The following RIPK2 variants were observed in gnomAD, a reference collection of about 807,000 sequenced individuals.
RIPK2 encodes the protein receptor interacting serine/threonine kinase 2.
Under a neutral mutation model 60.9 loss-of-function variants are expected in RIPK2, and 38 were observed. That is an observed-to-expected ratio of 0.62 (90% CI 0.48 to 0.82). RIPK2 has a LOEUF of 0.82. RIPK2 is among the 40% of genes least tolerant of loss of function. The pLI is 0.00. For missense variants in RIPK2, 518 were observed against 647.0 expected, an observed-to-expected ratio of 0.80 and a Z score of 2.16; for synonymous variants, 225 against 223.4, an observed-to-expected ratio of 1.01 and a Z score of -0.06.
intron 4 of RIPK2, among the ~76,000 whole-genome samples, chr8:89,770,429 TCA>T (rs774084732): frequency 2.0e-5 from 3 of 151,902 alleles, no homozygotes; most frequent in Non-Finnish European, 4.4e-5. Flanking sequence ...TTTTCATATT[TCA>T]GATGCATATT....
intron 6 of RIPK2, among the ~76,000 whole-genome samples, chr8:89,779,410 G>C (rs956896215): frequency 7.1e-6 from 1 of 140,756 alleles, no homozygotes; most frequent in Non-Finnish European, 1.5e-5. Flanking sequence ...CACCTCCTGG[G>C]TTCACACCAT....
intron 8 of RIPK2, among the ~76,000 whole-genome samples, chr8:89,784,379 G>A (rs1809551993): frequency 6.6e-6 from 1 of 151,964 alleles, no homozygotes; most frequent in Non-Finnish European, 1.5e-5. Flanking sequence ...ATTGAGTTCT[G>A]TCCCTGTCAT....
At chr8:89,786,476 A>G in intron 8 of RIPK2, 117 bp from the exon 9 acceptor site, 9 of 686,414 alleles carry the variant, frequency 1.3e-5, no homozygotes, top group South Asian at 7.8e-5. Flanking sequence ...CCTGTCTGAA[A>G]AAAAAAAATT....
intron 7 of RIPK2, 61 bp from the exon 8 acceptor site, chr8:89,783,989 C>T: frequency 2.3e-6 from 2 of 887,112 alleles, no homozygotes; most frequent in East Asian, 2.5e-5. Flanking sequence ...TTGTATTTTA[C>T]TTCTATAATT....
intron 2 of RIPK2, among the ~76,000 whole-genome samples, 189 bp downstream of exon 2, chr8:89,763,171 C>A (rs968186911): frequency 1.4e-4 from 22 of 152,126 alleles, no homozygotes; most frequent in African/African-American, 5.3e-4. Context: ...ACTGTGGATT[C>A]AGGCCCTGTA....
chr8:89,778,268 T>G (rs1443785644), intron 6 of RIPK2, among the ~76,000 whole-genome samples: 1 of 152,172 alleles, frequency 6.6e-6, no homozygotes, highest in African/African-American at 2.4e-5. Flanking sequence ...AGTAACACAG[T>G]AGCAGAGAGG....
intron 6 of RIPK2, among the ~76,000 whole-genome samples, chr8:89,775,416 A>G (rs768617863): frequency 6.6e-6 from 1 of 152,152 alleles, no homozygotes; most frequent in Admixed American, 6.5e-5. Flanking sequence ...GTGCCACTGC[A>G]CTTGCACTCC....
intron 6 of RIPK2, among the ~76,000 whole-genome samples, chr8:89,778,126 T>A (rs879332273): frequency 6.6e-6 from 1 of 151,970 alleles, no homozygotes; most frequent in Non-Finnish European, 1.5e-5. Flanking sequence ...TTTCCTTTTT[T>A]TAAAAAAAAT....
In RIPK2 at chr8:89,772,833, G is replaced by A. The variant is rs201496849; in HGVS notation, c.853+5G>A. 7 of 1,591,198 alleles carry A rather than the reference G, an allele frequency of 4.4e-6. No homozygotes were observed. The highest frequency in any genetic ancestry group is 4.3e-6 in the Non-Finnish European group (5 of 1,166,972). ...ATGAAAGACCATCTTTCTTAAGTGA[G>A]TATATAGTTTTAACCTAGACTCTTT... On this transcript the variant is annotated splice_donor_5th_base_variant and intron_variant, in intron 6 of 10. Coordinates refer to ENST00000220751, the MANE Select transcript of RIPK2 (RefSeq NM_003821.6).
chr8:89,785,237 G>T (rs545535587), intron 8 of RIPK2, among the ~76,000 whole-genome samples: 22 of 152,182 alleles, frequency 1.4e-4, no homozygotes, highest in Non-Finnish European at 2.9e-4. Flanking sequence ...AACTTTGGGA[G>T]GCCAAGGTGG....
At chr8:89,787,786 T>C (rs761479960) in intron 9 of RIPK2, among the ~76,000 whole-genome samples, 5 of 152,054 alleles carry the variant, frequency 3.3e-5, no homozygotes, top group Non-Finnish European at 7.4e-5. Flanking sequence ...CTGGCTGGAA[T>C]GTGTAGGATA....
intron 7 of RIPK2, among the ~76,000 whole-genome samples, chr8:89,781,354 A>ATTTTTTTTTTTCTTTTTT (rs1161497561): frequency 6.9e-6 from 1 of 143,962 alleles, no homozygotes; most frequent in African/African-American, 2.6e-5. Context: ...AATAGATTGA[A>ATTTTTTTTTTTCTTTTTT]TTTTTTTTTT....
At chr8:89,768,502 C>T (rs921365963) in intron 3 of RIPK2, among the ~76,000 whole-genome samples, 6 of 151,578 alleles carry the variant, frequency 4.0e-5, no homozygotes, top group Non-Finnish European at 5.9e-5. Flanking sequence ...TGTTAATCCG[C>T]GCTTTTGGAG....
chr8:89,775,537 A>G (rs1037753697), intron 6 of RIPK2, among the ~76,000 whole-genome samples: 1 of 152,214 alleles, frequency 6.6e-6, no homozygotes, highest in South Asian at 2.1e-4. Flanking sequence ...ATGATCCAGT[A>G]GAGAGTCAGA....
At chr8:89,785,141 C>T (rs1317441261) in intron 8 of RIPK2, among the ~76,000 whole-genome samples, 3 of 152,166 alleles carry the variant, frequency 2.0e-5, no homozygotes, top group Non-Finnish European at 2.9e-5. Flanking sequence ...CATATCAAAC[C>T]ATAGCAACAT....
chr8:89,762,181 GA>G (rs1336531786), intron 1 of RIPK2, among the ~76,000 whole-genome samples: 5 of 149,942 alleles, frequency 3.3e-5, no homozygotes, highest in Non-Finnish European at 3.0e-5. Context: ...AAGAAAAATA[GA>G]AAAAAAAATA....
At chr8:89,766,408 A>G (rs1220296830) in intron 3 of RIPK2, among the ~76,000 whole-genome samples, 1 of 151,826 alleles carries the variant, frequency 6.6e-6, no homozygotes, top group Non-Finnish European at 1.5e-5. Context: ...AAAGTATCCA[A>G]CTATTTTCCA....
chr8:89,769,839 C>T lies in RIPK2; in HGVS notation c.551C>T (p.Ala184Val). The T allele has an allele frequency of 1.2e-6, 2 of 1,609,012 alleles. No individual in the cohort carries two copies. Among genetic ancestry groups the T allele is most frequent in the South Asian group, 2.2e-5 (2 of 90,602 alleles). The change falls in exon 4 of 11, where the codon GCA (alanine) becomes GTA (valine). Residue 184 changes from alanine (A) to valine (V), a missense_variant. Physicochemically the swap from Ala to Val is moderately conservative, Grantham distance 64 (BLOSUM62 0). Around this residue, in one of 3 missense-constraint regions of RIPK2, gnomAD observed 448 missense variants for 534.7 expected, o/e 0.84. Transcript: ENST00000220751. ...SLSQSRSSKSAPEGGTIIYMP... is the reference protein window; with the variant it reads ...SLSQSRSSKSVPEGGTIIYMP... ...TCACAGTCACGAAGTAGCAAATCTG[C>T]ACCAGAAGGAGGGACAATTATCTAT... is the stretch of plus-strand genomic sequence containing the variant.
chr8:89,790,131 C>T lies in RIPK2; in HGVS notation c.1338C>T (p.Asp446=), dbSNP rs1231605417. ...AGTGGATCCAGAGCAAAAGGGAAGACATTGTGAACCAAATGACAGAAGCCT... is the reference window on the plus strand; with the variant it reads ...AGTGGATCCAGAGCAAAAGGGAAGATATTGTGAACCAAATGACAGAAGCCT... ...AQQWIQSKRE[D]IVNQMTEACL... The change falls in exon 11 of 11, where the codon GAC becomes GAT. Residue 446 remains aspartate, a synonymous_variant. Transcript: ENST00000220751. 4 of 1,614,150 alleles carry T rather than the reference C, an allele frequency of 2.5e-6. No homozygotes were observed. The highest frequency in any genetic ancestry group is 2.2e-5 in the East Asian group (1 of 44,882).
Sources: gnomAD v4.1 joint callset for allele counts (sites outside exome capture counted in the v4.1 genomes callset) on GRCh38, gnomAD v4.1.1 for gene constraint, gnomAD v4.1.1 regional missense constraint, MANE v1.5 for transcripts, NCBI Gene and HGNC (gene_info 2026-07-23, HGNC 2026-07-21) for gene names.